Variants in NDUFV3 observed in about 807,000 individuals in gnomAD.
NDUFV3 encodes the protein NADH:ubiquinone oxidoreductase subunit V3, also known as NADH dehydrogenase [ubiquinone] flavoprotein 3, mitochondrial.
In NDUFV3, 44 loss-of-function variants were observed where a neutral mutation model predicts 37.5. The ratio of observed to expected loss-of-function variants is 1.17; its 90% CI spans 0.92 to 1.51. NDUFV3 has a LOEUF of 1.51. Among genes scored for constraint, NDUFV3 ranks in the 40% most tolerant of loss-of-function variants. The pLI, the probability that NDUFV3 is intolerant of heterozygous loss-of-function variation, is 0.00. For missense variants in NDUFV3, 580 were observed against 580.4 expected (o/e 1.00, Z 0.01); for synonymous variants, 235 against 239.3 (o/e 0.98, Z 0.17).
rs376529988 is a variant in NDUFV3, at chr21:42,896,000, TC to T, written c.49-925del. 2.2e-3 allele frequency among the ~76,000 whole-genome samples: 319 copies of T among 147,684 alleles called. 10 individuals are homozygous for T. The highest frequency in any genetic ancestry group is 6.8e-3 in the African/African-American group (272 of 39,756). On this transcript the variant is annotated intron_variant, in intron 1 of 3. Transcript: ENST00000354250. Reference sequence around the variant, plus strand: ...GTTGTTTTTCTTTTTTTTTTTTTTTTCCTGAGACAGTCTCACTCTGTTGTCC... The same window carrying T: ...GTTGTTTTTCTTTTTTTTTTTTTTTTCTGAGACAGTCTCACTCTGTTGTCC...
chr21:42,907,549 C>G (rs1485134615), intron 3 of NDUFV3, among the ~76,000 whole-genome samples: 1 of 150,240 alleles, frequency 6.7e-6, no homozygotes, highest in Non-Finnish European at 1.5e-5. Context: ...CTCCTGGGTT[C>G]AAGCAATTCT....
chr21:42,897,080 G>T, intron 2 of NDUFV3, 33 bp downstream of exon 2: 1 of 1,611,528 alleles, frequency 6.2e-7, no homozygotes, highest in Non-Finnish European at 8.5e-7. Flanking sequence ...AAGGGAAAGA[G>T]AATGCAAAAA....
intron 2 of NDUFV3, among the ~76,000 whole-genome samples, chr21:42,898,098 C>T (rs1390664764): frequency 6.6e-6 from 1 of 152,176 alleles, no homozygotes; most frequent in Admixed American, 6.5e-5. Flanking sequence ...TTTTCTTCCT[C>T]CTTGGTCTGT....
At position 42,897,019 on chromosome 21, in the gene NDUFV3, G is replaced by A. The variant is rs1407547418; in HGVS notation, c.141G>A (p.Gln47=). 1.9e-6 allele frequency: 3 copies of A among 1,614,088 alleles called. No homozygotes were observed. Among genetic ancestry groups the A allele is most frequent in the African/African-American group, 2.7e-5 (2 of 75,034 alleles). ...GGAAGAGTGAAAAGGGTCAGCCACA[G>A]AATTCCAAGAAGCAAAGTCCACCAA... is the stretch of plus-strand genomic sequence containing the variant. The part of the protein sequence containing the change: ...ESGKSEKGQP[Q]NSKKQSPPKN... Residue 47 remains glutamine, a synonymous_variant, in exon 2 of 4, where the codon CAG becomes CAA. Coordinates refer to ENST00000354250, the MANE Select transcript of NDUFV3 (RefSeq NM_021075.4).
chr21:42,897,154 TCTTC>T (rs1945641012), intron 2 of NDUFV3, 107 bp downstream of exon 2: 3 of 1,299,226 alleles, frequency 2.3e-6, no homozygotes, highest in South Asian at 2.5e-5. Flanking sequence ...AATTTATGCT[TCTTC>T]CTTTTCAGCA....
chr21:42,897,928 G>A (rs1417131563), intron 2 of NDUFV3, among the ~76,000 whole-genome samples: 1 of 152,108 alleles, frequency 6.6e-6, no homozygotes, highest in Non-Finnish European at 1.5e-5. Context: ...CGCCCGCCTT[G>A]GCCTCCCAGA....
rs145030239 is a variant in NDUFV3, at chr21:42,896,955, G to A, written c.77G>A (p.Arg26Gln). The change falls in exon 2 of 4, where the codon CGA becomes CAA. Residue 26 changes from arginine (R) to glutamine (Q), a missense_variant. Coordinates refer to ENST00000354250, the MANE Select transcript of NDUFV3 (RefSeq NM_021075.4). ...KTMLQEAQVF[R>Q]GLASTVSLSA... ...ATGCTCCAGGAAGCCCAGGTGTTTC[G>A]AGGACTTGCTTCTACGGTTTCTTTG... 1.4e-3 allele frequency: 2,224 copies of A among 1,613,532 alleles called. 5 individuals carry two copies. Among genetic ancestry groups the A allele is most frequent in the Non-Finnish European group, 1.7e-3 (2,063 of 1,179,786 alleles).
rs1278731989 is a variant in NDUFV3 at position 42,897,730 on chromosome 21, G to A, written c.169+683G>A. Among the ~76,000 whole-genome samples the A allele has an allele frequency of 1.2e-4, 18 of 150,686 alleles. 1 individual carries two copies. On this transcript the variant is annotated intron_variant, in intron 2 of 3. Coordinates refer to ENST00000354250, the MANE Select transcript of NDUFV3 (RefSeq NM_021075.4). ...CCTGCTCTGTTGCCCCTGCTGGAGT[G>A]CAGTGGCGCAATCTCGGCTCACTAC...
chr21:42,902,251 T>TA (rs201582757), intron 2 of NDUFV3, among the ~76,000 whole-genome samples: 1,838 of 151,448 alleles, frequency 0.012, 20 homozygotes, highest in African/African-American at 0.037. Flanking sequence ...TAAGTAAAAA[T>TA]AAAAAAAAAC....
intron 3 of NDUFV3, among the ~76,000 whole-genome samples, chr21:42,905,878 TTTG>T (rs1261888045): frequency 2.0e-5 from 3 of 150,822 alleles, no homozygotes; most frequent in Non-Finnish European, 4.4e-5. Context: ...TTTTTTTTTT[TTTG>T]GAGATGGAAT....
In NDUFV3 at chr21:42,903,632, A is replaced by G; in HGVS notation, c.620A>G (p.Glu207Gly). Residue 207 changes from glutamate to glycine, a missense_variant, in exon 3 of 4, where the codon GAG becomes GGG. Glu to Gly is a moderately conservative substitution (Grantham distance 98). Coordinates refer to ENST00000354250, the MANE Select transcript of NDUFV3 (RefSeq NM_021075.4). ...CCCCGAGTTACAGTATCAGCAAAAG[A>G]GAAAACCTTGCTGCAGAAGCCGCAT... ...RAPRVTVSAK[E>G]KTLLQKPHVD... 6.2e-7 allele frequency: 1 copy of G among 1,614,056 alleles called. No individual in the cohort carries two copies. The highest frequency in any genetic ancestry group is 8.5e-7 in the Non-Finnish European group (1 of 1,180,018).
At position 42,903,844 on chromosome 21, in the gene NDUFV3, G is replaced by C; in HGVS notation, c.832G>C (p.Asp278His). ...GAAAACATTTAGATTAAATGAAATA[G>C]ATAAAGAAAGCCAAAAGCCATTTGA... ...LQKTFRLNEI[D>H]KESQKPFEVK... The change falls in exon 3 of 4, where the codon GAT becomes CAT. Residue 278 changes from aspartate (D) to histidine (H), a missense_variant. Transcript: ENST00000354250. 6.2e-7 allele frequency: 1 copy of C among 1,613,164 alleles called. No homozygotes were observed. Among genetic ancestry groups the C allele is most frequent in the Non-Finnish European group, 8.5e-7 (1 of 1,179,880 alleles).
intron 3 of NDUFV3, 126 bp from the exon 4 acceptor site, chr21:42,908,738 A>T (rs1231631220): frequency 6.3e-6 from 7 of 1,114,718 alleles, no homozygotes; most frequent in Non-Finnish European, 9.4e-6. Context: ...CAAGTCATTC[A>T]TAAAGAGCTG....
rs1382104200 is a variant in NDUFV3, at chr21:42,903,715, A to G, written c.703A>G (p.Lys235Glu). ...GCCAAAGAAGAAAGGGTCCCCTGCT[A>G]AGCCATCAGAAGGCAGGGAAAATGC... ...HQPKKKGSPA[K>E]PSEGRENARP... is the part of the protein sequence containing the mutation. Residue 235 changes from lysine (K) to glutamate (E), a missense_variant, in exon 3 of 4, where the codon AAG (lysine) becomes GAG (glutamate). By Grantham distance (56) the Lys-to-Glu change is moderately conservative. Transcript: ENST00000354250. 3 of 1,614,202 alleles carry G rather than the reference A, an allele frequency of 1.9e-6. No individual in the cohort carries two copies. The highest frequency in any genetic ancestry group is 2.2e-5 in the South Asian group (2 of 91,086).
chr21:42,894,908 G>A (rs755867192), intron 1 of NDUFV3, among the ~76,000 whole-genome samples: 3 of 151,866 alleles, frequency 2.0e-5, no homozygotes, highest in East Asian at 1.9e-4. Flanking sequence ...CACTTAATAG[G>A]CCTTAGTGAG....
At position 42,908,934 on chromosome 21, in the gene NDUFV3, C is replaced by T. The variant is rs746171890; in HGVS notation, c.1335C>T (p.Ser445=). The change falls in exon 4 of 4, where the codon AGC becomes AGT. Residue 445 remains serine, a synonymous_variant. Coordinates refer to ENST00000354250, the MANE Select transcript of NDUFV3 (RefSeq NM_021075.4). ...TYKNLQHHDY[S]TYTFLDLNLE... is the part of the protein sequence containing the mutation. ...AGAACCTGCAGCATCATGACTACAG[C>T]ACGTACACCTTCTTAGACCTCAACC... 5 of 1,614,092 alleles carry T rather than the reference C, an allele frequency of 3.1e-6. No individual in the cohort carries two copies. In the East Asian group the frequency reaches 6.7e-5, roughly 22 times the overall value.
intron 1 of NDUFV3, 77 bp downstream of exon 1, chr21:42,893,458 G>T: frequency 6.7e-7 from 1 of 1,492,344 alleles, no homozygotes; most frequent in Non-Finnish European, 9.0e-7. Context: ...GCGCGGTGCT[G>T]GTCAGGTCCG....
In NDUFV3 at chr21:42,893,821, T is replaced by C. The variant is rs893797581; in HGVS notation, c.48+440T>C. Among the ~76,000 whole-genome samples the C allele has an allele frequency of 2.0e-5, 3 of 152,242 alleles. No homozygotes were observed. The East Asian group carries it at 5.8e-4, about 29-fold the overall frequency. Reference sequence around the variant, plus strand: ...ATGAGGGAACTTTCAGGGACCTGGTTAACTTGGTAACTTACTGACAGCCGT... The same window carrying C: ...ATGAGGGAACTTTCAGGGACCTGGTCAACTTGGTAACTTACTGACAGCCGT... On this transcript the variant is annotated intron_variant, in intron 1 of 3. Transcript: ENST00000354250.
At chr21:42,893,441 T>G in intron 1 of NDUFV3, 60 bp downstream of exon 1, 2 of 1,523,080 alleles carry the variant, frequency 1.3e-6, no homozygotes, top group African/African-American at 1.4e-5. Flanking sequence ...GGGGATGGGG[T>G]GAGGGGGCGC....
Sources: gnomAD v4.1 joint callset for allele counts (sites outside exome capture counted in the v4.1 genomes callset) on GRCh38, gnomAD v4.1.1 for gene constraint, MANE v1.5 for transcripts, NCBI Gene and HGNC (gene_info 2026-07-23, HGNC 2026-07-21) for gene names.